Variants in ZGRF1 observed in about 807,000 individuals in gnomAD.
The protein encoded by ZGRF1 is 5'-3' DNA helicase ZGRF1.
Under a neutral mutation model 203.5 loss-of-function variants are expected in ZGRF1, and 196 were observed. The observed-to-expected ratio is 0.96, with a 90% CI of 0.86 to 1.08. The LOEUF is 1.08. Among genes scored for constraint, ZGRF1 ranks in the 50% least tolerant of loss-of-function variants. The probability of loss-of-function intolerance (pLI) is 0.00; values close to 1 mark genes in which losing one functional copy is unlikely to be tolerated. For missense variants in ZGRF1, 2,326 were observed against 2,416.3 expected, an observed-to-expected ratio of 0.96 and a Z score of 0.78; for synonymous variants, 809 against 841.3, an observed-to-expected ratio of 0.96 and a Z score of 0.66.
chr4:112,569,025 A>G (rs936882846), intron 16 of ZGRF1, among the ~76,000 whole-genome samples: 1 of 152,200 alleles, frequency 6.6e-6, no homozygotes, highest in Non-Finnish European at 1.5e-5. Flanking sequence ...AGAAAAAAAA[A>G]TAAAATCACA....
chr4:112,539,785 C>A (rs1480813289), intron 27 of ZGRF1, 78 bp downstream of exon 27: 2 of 1,581,086 alleles, frequency 1.3e-6, no homozygotes, highest in Non-Finnish European at 1.7e-6. Flanking sequence ...GCTGTTCCTG[C>A]TTGAAGCACC....
Position 112,547,350 on chromosome 4 carries a change from G to C in ZGRF1, c.5533C>G (p.Gln1845Glu), listed in dbSNP as rs1028606812. The C allele has an allele frequency of 6.2e-6, 10 of 1,613,330 alleles. No individual in the cohort carries two copies. The African/African-American group carries it at 9.3e-5, about 15-fold the overall frequency. The change falls in exon 24 of 28, where the codon CAG becomes GAG. Residue 1845 changes from glutamine (Q) to glutamate (E), a missense_variant. Transcript: ENST00000505019. ...TTTTCATGAGCTGCATCAGAACCCT[G>C]AATAGTAGGAGGTAGCTGTTTGGGA... ...GDPKQLPPTIQGSDAAHENGL... is the reference protein window; with the variant it reads ...GDPKQLPPTIEGSDAAHENGL...
Position 112,547,359 on chromosome 4 carries a change from G to T in ZGRF1, c.5524C>A (p.Pro1842Thr). 6.2e-7 allele frequency: 1 copy of T among 1,613,206 alleles called. No homozygotes were observed. The highest frequency in any genetic ancestry group is 1.1e-5 in the South Asian group (1 of 90,900). Residue 1842 changes from proline (P) to threonine (T), a missense_variant, in exon 24 of 28, where the codon CCT becomes ACT. Coordinates refer to ENST00000505019, the MANE Select transcript of ZGRF1 (RefSeq NM_018392.5). Reference protein sequence around the residue: ...ILVGDPKQLPPTIQGSDAAHE... With the variant: ...ILVGDPKQLPTTIQGSDAAHE... ...GCTGCATCAGAACCCTGAATAGTAG[G>T]AGGTAGCTGTTTGGGATCCCCAACA...
chr4:112,618,882 A>G lies in ZGRF1; in HGVS notation c.1160T>C (p.Val387Ala). The G allele has an allele frequency of 6.2e-7, 1 of 1,613,776 alleles. No individual in the cohort carries two copies. Among genetic ancestry groups the G allele is most frequent in the Non-Finnish European group, 8.5e-7 (1 of 1,179,812 alleles). ...TYAEERKKYN[V>A]DQSVGNNDPS... ...ATCATTATTACCGACTGACTGGTCT[A>G]CATTATACTTTTTCCTCTCTTCAGC... The change falls in exon 6 of 28, where the codon GTA (valine) becomes GCA (alanine). Residue 387 changes from valine (V) to alanine (A), a missense_variant. Val to Ala is a moderately conservative substitution (Grantham distance 64, BLOSUM62 0). Coordinates refer to ENST00000505019, the MANE Select transcript of ZGRF1 (RefSeq NM_018392.5).
At chr4:112,575,508 A>G (rs549784431) in intron 16 of ZGRF1, among the ~76,000 whole-genome samples, 15 of 152,322 alleles carry the variant, frequency 9.8e-5, no homozygotes, top group Admixed American at 9.1e-4. Context: ...GCAAGGGGTC[A>G]GGGAATTCTC....
At chr4:112,552,086 T>C (rs2148855128) in intron 22 of ZGRF1, among the ~76,000 whole-genome samples, 1 of 152,240 alleles carries the variant, frequency 6.6e-6, no homozygotes, top group Middle Eastern at 3.4e-3. Context: ...GAGACCAGCC[T>C]GGCCAACACT....
At chr4:112,630,858 A>G (rs1268973651) in intron 3 of ZGRF1, among the ~76,000 whole-genome samples, 1 of 150,784 alleles carries the variant, frequency 6.6e-6, no homozygotes, top group Non-Finnish European at 1.5e-5. Flanking sequence ...CTGCACTCCA[A>G]CCCGGGCAAC....
rs1007411078 is a variant in ZGRF1 at position 112,633,101 on chromosome 4, A to G, written c.21+55T>C. On this transcript the variant is annotated intron_variant, in intron 2 of 27. Transcript: ENST00000505019. The stretch of plus-strand genomic sequence containing the variant: ...AAGATGTTTGTGAAACGCCTTTAAA[A>G]GAAAGAGACAGAGGAAGGGAATTTC... The G allele has an allele frequency of 4.6e-5, 69 of 1,516,112 alleles. No homozygotes were observed. The Admixed American group carries it at 7.1e-4, about 16-fold the overall frequency. 93.9% of individuals were successfully genotyped at this position (1,516,112 alleles called of 1,614,324 possible).
intron 16 of ZGRF1, among the ~76,000 whole-genome samples, chr4:112,574,338 C>CA (rs1235924176): frequency 5.3e-5 from 8 of 151,640 alleles, no homozygotes; most frequent in African/African-American, 1.9e-4. Context: ...ACATACTAAC[C>CA]AAAAAAAGAT....
At chr4:112,632,454 T>C (rs916300407) in intron 2 of ZGRF1, among the ~76,000 whole-genome samples, 1 of 152,194 alleles carries the variant, frequency 6.6e-6, no homozygotes, top group Non-Finnish European at 1.5e-5. Flanking sequence ...CTCCAAGACC[T>C]TTACAGGTAT....
intron 1 of ZGRF1, among the ~76,000 whole-genome samples, 165 bp from the exon 2 acceptor site, chr4:112,633,407 A>G (rs2047476882): frequency 6.6e-6 from 1 of 152,266 alleles, no homozygotes; most frequent in Non-Finnish European, 1.5e-5. Context: ...GGACACAGTA[A>G]AAGTGATACC....
intron 10 of ZGRF1, among the ~76,000 whole-genome samples, chr4:112,596,452 A>G (rs1055169830): frequency 6.6e-6 from 1 of 152,154 alleles, no homozygotes; most frequent in African/African-American, 2.4e-5. Context: ...ACTGGGGGGA[A>G]AAGCAACAAA....
In ZGRF1 at chr4:112,562,426, T is replaced by C; in HGVS notation, c.4642A>G (p.Ile1548Val). ...ASTELTTLKN[I>V]QDYFNPATLP... is the part of the protein sequence containing the mutation. The stretch of plus-strand genomic sequence containing the variant: ...GTAGCTGGATTAAAGTAGTCCTGAA[T>C]GTTTTTCAAAGTAGTCAGTTCTGTG... Residue 1548 changes from isoleucine to valine, a missense_variant, in exon 18 of 28, where the codon ATT (isoleucine) becomes GTT (valine). By Grantham distance (29) the Ile-to-Val change is conservative. Coordinates refer to ENST00000505019, the MANE Select transcript of ZGRF1 (RefSeq NM_018392.5). 1 of 1,610,828 alleles carries C rather than the reference T, an allele frequency of 6.2e-7. No homozygotes were observed. The highest frequency in any genetic ancestry group is 8.5e-7 in the Non-Finnish European group (1 of 1,178,300).
At chr4:112,566,759 T>C (rs958789342) in intron 16 of ZGRF1, among the ~76,000 whole-genome samples, 2 of 152,144 alleles carry the variant, frequency 1.3e-5, no homozygotes, top group Non-Finnish European at 2.9e-5. Flanking sequence ...TTTGTGTCCC[T>C]GAAGTGATTT....
At chr4:112,576,653 C>T (rs535983138) in intron 16 of ZGRF1, among the ~76,000 whole-genome samples, 51 of 152,106 alleles carry the variant, frequency 3.4e-4, no homozygotes, top group African/African-American at 1.2e-3. Context: ...GTAGCCGATT[C>T]GATCAACTGG....
At chr4:112,600,674 C>T (rs1578409951) in intron 10 of ZGRF1, among the ~76,000 whole-genome samples, 1 of 152,074 alleles carries the variant, frequency 6.6e-6, no homozygotes, top group East Asian at 1.9e-4. Context: ...GTAGGGCTTG[C>T]ATGACTGACA....
Position 112,612,508 on chromosome 4 carries a change from GAAAA to G in ZGRF1, c.2667+12_2667+15del. ...TCAAAATAAAAAAAACATACTCTTAGAAAAAAAACCTGTACCTGTTGAGAATCCT... is the reference window on the plus strand; with the variant it reads ...TCAAAATAAAAAAAACATACTCTTAGAAAACCTGTACCTGTTGAGAATCCT... On this transcript the variant is annotated intron_variant, in intron 7 of 27. Transcript: ENST00000505019. 6.5e-7 allele frequency: 1 copy of G among 1,536,976 alleles called. No individual in the cohort carries two copies. The highest frequency in any genetic ancestry group is 8.9e-7 in the Non-Finnish European group (1 of 1,122,814).
At chr4:112,599,963 G>T (rs1749676175) in intron 10 of ZGRF1, among the ~76,000 whole-genome samples, 1 of 152,170 alleles carries the variant, frequency 6.6e-6, no homozygotes, top group South Asian at 2.1e-4. Flanking sequence ...CAGGTAAACT[G>T]TAGATCAAAA....
intron 8 of ZGRF1, among the ~76,000 whole-genome samples, chr4:112,608,870 T>C (rs1222976592): frequency 6.6e-6 from 1 of 152,148 alleles, no homozygotes; most frequent in East Asian, 1.9e-4. Flanking sequence ...GTTTGCAAGT[T>C]TGCAAAACTA....
Sources: gnomAD v4.1 joint callset for allele counts (sites outside exome capture counted in the v4.1 genomes callset) on GRCh38, gnomAD v4.1.1 for gene constraint, MANE v1.5 for transcripts, NCBI Gene and HGNC (gene_info 2026-07-23, HGNC 2026-07-21) for gene names.